AHNAK: variants seen among roughly 807,000 people sequenced by gnomAD.
AHNAK encodes AHNAK nucleoprotein.
In AHNAK, 23 loss-of-function variants were observed where a neutral mutation model predicts 37.8. The observed-to-expected ratio is 0.61, with a 90% CI of 0.44 to 0.86. The LOEUF (loss-of-function observed/expected upper bound fraction) is 0.86. Ranked by LOEUF, AHNAK falls within the 40% of genes least tolerant of loss-of-function variation. AHNAK has a pLI of 0.00. For synonymous variants in AHNAK, 2,481 were observed against 2,636.3 expected, an observed-to-expected ratio of 0.94 and a Z score of 1.80; for missense variants, 7,411 against 7,319.4, an observed-to-expected ratio of 1.01 and a Z score of -0.46.
intron 4 of AHNAK, among the ~76,000 whole-genome samples, chr11:62,504,648 T>G (rs1939775750): frequency 6.6e-6 from 1 of 151,564 alleles, no homozygotes; most frequent in African/African-American, 2.4e-5. Flanking sequence ...ACCACACACC[T>G]AGGTAAACAC....
chr11:62,476,150 G>A (rs539699446), intron 5 of AHNAK, among the ~76,000 whole-genome samples: 7 of 152,158 alleles, frequency 4.6e-5, no homozygotes, highest in East Asian at 1.9e-4. Flanking sequence ...CTGGCCGGAC[G>A]GCTGAGGCAG....
In AHNAK at chr11:62,460,479, G is replaced by A. The variant is rs372337212; in HGVS notation, c.443-26588C>T. On this transcript the variant is annotated intron_variant, in intron 5 of 5. Coordinates refer to the AHNAK transcript ENST00000257247. ...AGAGGCAGTGTGGACATCAGGCCCA[G>A]TTGGCGTGACTTGATAGTAGCAGGG... is the stretch of plus-strand genomic sequence containing the variant. Among the ~76,000 whole-genome samples, 7 of 152,320 alleles carry A rather than the reference G, an allele frequency of 4.6e-5. 1 individual carries two copies. Among genetic ancestry groups the A allele is most frequent in the African/African-American group, 1.7e-4 (7 of 41,572 alleles).
chr11:62,492,107 C>T (rs1396892930), intron 4 of AHNAK, among the ~76,000 whole-genome samples: 1 of 152,150 alleles, frequency 6.6e-6, no homozygotes, highest in Non-Finnish European at 1.5e-5. Context: ...ACAATGCTAT[C>T]TCCGGTTCAT....
At chr11:62,458,141 A>G (rs1459114351) in intron 5 of AHNAK, among the ~76,000 whole-genome samples, 6 of 151,964 alleles carry the variant, frequency 3.9e-5, no homozygotes, top group Admixed American at 6.6e-5. Context: ...GCTGGTCTCA[A>G]ACTCCTGACC....
At position 62,533,434 on chromosome 11, in the gene AHNAK, C is replaced by T. The variant is rs368012200; in HGVS notation, c.983G>A (p.Gly328Glu). The T allele has an allele frequency of 6.2e-7, 1 of 1,613,084 alleles. No homozygotes were observed. Among genetic ancestry groups the T allele is most frequent in the African/African-American group, 1.3e-5 (1 of 75,062 alleles). ...TGREGQTPKAGLRVSAPEVSV... is the reference protein window; with the variant it reads ...TGREGQTPKAELRVSAPEVSV... ...GACTTCAGGTGCAGAAACCCTCAGCCCTGCCTTTGGTGTCTGGCCCTCACG... is the reference window on the plus strand; with the variant it reads ...GACTTCAGGTGCAGAAACCCTCAGCTCTGCCTTTGGTGTCTGGCCCTCACG... The change falls in exon 5 of 5, where the codon GGG (glycine) becomes GAG (glutamate). Residue 328 changes from glycine to glutamate, a missense_variant. Physicochemically the swap from Gly to Glu is moderately conservative, Grantham distance 98. Coordinates refer to ENST00000378024, the MANE Select transcript of AHNAK (RefSeq NM_001620.3).
intron 1 of AHNAK, among the ~76,000 whole-genome samples, chr11:62,542,568 C>T (rs1171848939): frequency 2.0e-5 from 3 of 152,162 alleles, no homozygotes; most frequent in Non-Finnish European, 4.4e-5. Context: ...TCTACCCCAG[C>T]CACGCACAGC....
intron 5 of AHNAK, among the ~76,000 whole-genome samples, chr11:62,478,851 T>C (rs762562393): frequency 6.6e-6 from 1 of 151,892 alleles, no homozygotes; most frequent in Non-Finnish European, 1.5e-5. Context: ...AGGCCTTTGA[T>C]GACACTGTTT....
intron 5 of AHNAK, among the ~76,000 whole-genome samples, chr11:62,457,331 C>T (rs952350005): frequency 1.4e-4 from 22 of 151,976 alleles, no homozygotes; most frequent in Non-Finnish European, 2.9e-4. Flanking sequence ...ACCTGTAGTC[C>T]CAGCTACTCG....
intron 5 of AHNAK, among the ~76,000 whole-genome samples, chr11:62,463,739 GGTTGGTTT>G (rs1489337382): frequency 6.6e-6 from 1 of 151,710 alleles, no homozygotes; most frequent in African/African-American, 2.4e-5. Flanking sequence ...TTGGTTGGTT[GGTTGGTTT>G]GTTTTGGGTT....
intron 5 of AHNAK, among the ~76,000 whole-genome samples, chr11:62,438,669 G>A (rs1938233873): frequency 6.6e-6 from 1 of 152,014 alleles, no homozygotes. Context: ...TTTTGATAAA[G>A]TCCAATTCAT....
chr11:62,486,842 A>T (rs1939406163), intron 5 of AHNAK, among the ~76,000 whole-genome samples: 1 of 152,130 alleles, frequency 6.6e-6, no homozygotes, highest in African/African-American at 2.4e-5. Context: ...GTTTATAAAC[A>T]CAAGCTCAAA....
At chr11:62,477,559 C>T (rs1210379155) in intron 5 of AHNAK, among the ~76,000 whole-genome samples, 11 of 152,190 alleles carry the variant, frequency 7.2e-5, no homozygotes, top group Admixed American at 7.2e-4. Flanking sequence ...AATCCCAGCA[C>T]TTTGGGAGGC....
Position 62,517,614 on chromosome 11 carries a change from T to G in AHNAK, c.16803A>C (p.Gln5601His). 34 of 1,614,152 alleles carry G rather than the reference T, an allele frequency of 2.1e-5. No homozygotes were observed. Among genetic ancestry groups the G allele is most frequent in the Non-Finnish European group, 2.8e-5 (33 of 1,180,030 alleles). Residue 5601 changes from glutamine (Q) to histidine (H), a missense_variant, in exon 5 of 5, where the codon CAA (glutamine) becomes CAC (histidine). By Grantham distance (24) the Gln-to-His change is conservative. Coordinates refer to ENST00000378024, the MANE Select transcript of AHNAK (RefSeq NM_001620.3). The part of the protein sequence containing the change: ...KGSGGEWKGP[Q>H]VSSALNLDTS... The stretch of plus-strand genomic sequence containing the variant: ...TGTCCAAGTTGAGAGCAGAGGAGAC[T>G]TGGGGTCCCTTCCACTCACCCCCGG...
chr11:62,535,895 C>A (rs747591091), intron 3 of AHNAK, 50 bp downstream of exon 3: 2 of 1,567,464 alleles, frequency 1.3e-6, no homozygotes, highest in African/African-American at 2.7e-5. Flanking sequence ...CCAACACCCC[C>A]ACCGACCCCC....
intron 5 of AHNAK, among the ~76,000 whole-genome samples, chr11:62,478,770 A>AAG (rs1360542563): frequency 1.7e-5 from 2 of 119,398 alleles, no homozygotes; most frequent in African/African-American, 5.3e-5. Context: ...AAAAAAAAAA[A>AAG]AGAGAGAGAA....
At chr11:62,493,816 A>G (rs997152536) in intron 4 of AHNAK, among the ~76,000 whole-genome samples, 1 of 151,982 alleles carries the variant, frequency 6.6e-6, no homozygotes, top group African/African-American at 2.4e-5. Context: ...CAGGTGAACT[A>G]TCTTCCCTGT....
In AHNAK at chr11:62,528,164, C is replaced by A. The variant is rs1940575937; in HGVS notation, c.6253G>T (p.Asp2085Tyr). The A allele has an allele frequency of 6.2e-7, 1 of 1,613,674 alleles. No individual in the cohort carries two copies. Among genetic ancestry groups the A allele is most frequent in the Admixed American group, 1.7e-5 (1 of 59,946 alleles). Residue 2085 changes from aspartate (D) to tyrosine (Y), a missense_variant, in exon 5 of 5, where the codon GAT becomes TAT. Transcript: ENST00000378024. ...ADVVVSGPKVDVEVPDVSLEG... is the reference protein window; with the variant it reads ...ADVVVSGPKVYVEVPDVSLEG... ...AGGCTCACATCTGGGACTTCAACATCCACCTTGGGTCCTGAGACAACAACA... is the reference window on the plus strand; with the variant it reads ...AGGCTCACATCTGGGACTTCAACATACACCTTGGGTCCTGAGACAACAACA...
At position 62,510,641 on chromosome 11, in the gene AHNAK, G is replaced by T. The variant is rs542349164; in HGVS notation, c.343-18810C>A. 1.9e-4 allele frequency among the ~76,000 whole-genome samples: 29 copies of T among 152,156 alleles called. No homozygotes were observed. The East Asian group carries it at 4.5e-3, about 23-fold the overall frequency. ...AACCTGTAATCCCAGCTACTTGGGA[G>T]GCTGAGACAGGAGAATTGCTTGAGC... is the stretch of plus-strand genomic sequence containing the variant. On this transcript the variant is annotated intron_variant, in intron 4 of 5. Transcript: ENST00000257247.
intron 5 of AHNAK, among the ~76,000 whole-genome samples, chr11:62,475,676 C>T (rs1939129351): frequency 7.0e-6 from 1 of 142,916 alleles, no homozygotes; most frequent in Admixed American, 7.3e-5. Context: ...GCGATCTCAG[C>T]TCACCGAAAC....
Sources: gnomAD v4.1 joint callset for allele counts (sites outside exome capture counted in the v4.1 genomes callset) on GRCh38, gnomAD v4.1.1 for gene constraint, MANE v1.5 for transcripts, NCBI Gene and HGNC (gene_info 2026-07-23, HGNC 2026-07-21) for gene names.